Variants in NELL1 observed in about 807,000 individuals in gnomAD.
NELL1 encodes protein kinase C-binding protein NELL1.
In NELL1, 76 loss-of-function variants were observed where a neutral mutation model predicts 107.4. That is an observed-to-expected ratio of 0.71 (90% CI 0.59 to 0.86). The LOEUF is 0.86. NELL1 is among the 40% of genes least tolerant of loss of function. The probability of loss-of-function intolerance (pLI) is 0.00; values close to 1 mark genes in which losing one functional copy is unlikely to be tolerated. For synonymous variants in NELL1, 353 were observed against 341.2 expected (o/e 1.03, Z -0.38); for missense variants, 1,024 against 1,005.5 (o/e 1.02, Z -0.25).
At chr11:20,699,324 T>C (rs1168750919) in intron 2 of NELL1, among the ~76,000 whole-genome samples, 1 of 152,142 alleles carries the variant, frequency 6.6e-6, no homozygotes, top group African/African-American at 2.4e-5. Flanking sequence ...CTGAGTAGTA[T>C]TCCAAGGTAT....
At chr11:21,021,974 A>G (rs1372634155) in intron 12 of NELL1, among the ~76,000 whole-genome samples, 1 of 152,032 alleles carries the variant, frequency 6.6e-6, no homozygotes, top group African/African-American at 2.4e-5. Context: ...CTTGTCCTGT[A>G]CATTGTAGGA....
intron 15 of NELL1, among the ~76,000 whole-genome samples, chr11:21,383,219 G>A (rs1418512602): frequency 6.6e-6 from 1 of 151,938 alleles, no homozygotes; most frequent in African/African-American, 2.4e-5. Flanking sequence ...TAATCAAACA[G>A]CAAGGTCTAT....
At chr11:20,981,631 G>C (rs773642181) in intron 12 of NELL1, among the ~76,000 whole-genome samples, 2 of 152,168 alleles carry the variant, frequency 1.3e-5, no homozygotes, top group Non-Finnish European at 2.9e-5. Flanking sequence ...TCTTTGACAA[G>C]TGCAGTTAAG....
At chr11:20,836,316 G>T (rs1293403717) in intron 3 of NELL1, among the ~76,000 whole-genome samples, 4 of 150,750 alleles carry the variant, frequency 2.7e-5, no homozygotes, top group African/African-American at 9.7e-5. Context: ...TGGTGGGAAT[G>T]AATAGCAACA....
intron 14 of NELL1, among the ~76,000 whole-genome samples, chr11:21,367,010 G>C (rs957321148): frequency 6.6e-6 from 1 of 151,744 alleles, no homozygotes; most frequent in Admixed American, 6.6e-5. Flanking sequence ...TTCTCATTTT[G>C]TTCCCCTTAA....
intron 4 of NELL1, among the ~76,000 whole-genome samples, chr11:20,875,665 T>A (rs7950875): frequency 0.86 from 130,740 of 152,252 alleles, 56,161 homozygotes; most frequent in East Asian, 0.92. Context: ...GTGAGGACAG[T>A]CTTATATGAT....
chr11:21,434,418 G>A (rs1240527083), intron 15 of NELL1, among the ~76,000 whole-genome samples: 1 of 151,952 alleles, frequency 6.6e-6, no homozygotes, highest in Non-Finnish European at 1.5e-5. Context: ...TGGATATTCA[G>A]TTTTCCTAGC....
chr11:21,159,895 C>T (rs2133798200), intron 13 of NELL1, among the ~76,000 whole-genome samples: 1 of 152,248 alleles, frequency 6.6e-6, no homozygotes, highest in Non-Finnish European at 1.5e-5. Flanking sequence ...GGATTCAGAC[C>T]TTCTTCATCT....
At chr11:21,239,036 A>C (rs1858281041) in intron 14 of NELL1, among the ~76,000 whole-genome samples, 1 of 152,084 alleles carries the variant, frequency 6.6e-6, no homozygotes, top group African/African-American at 2.4e-5. Context: ...GAGATAATAC[A>C]CTTATGATAC....
chr11:21,067,768 C>T (rs965972548), intron 12 of NELL1, among the ~76,000 whole-genome samples: 4 of 151,962 alleles, frequency 2.6e-5, no homozygotes, highest in Admixed American at 2.0e-4. Flanking sequence ...CATGGTGGCT[C>T]ACGCCTGTAA....
chr11:21,102,704 C>G (rs1018093576), intron 12 of NELL1, among the ~76,000 whole-genome samples: 1 of 152,152 alleles, frequency 6.6e-6, no homozygotes, highest in Admixed American at 6.5e-5. Context: ...ATTATGGGCA[C>G]CAGATTCTCT....
chr11:20,683,475 G>A (rs557320325), intron 2 of NELL1, among the ~76,000 whole-genome samples: 68 of 151,914 alleles, frequency 4.5e-4, no homozygotes, highest in Non-Finnish European at 8.8e-4. Flanking sequence ...CCACTCTCCC[G>A]CTGGAAGTAG....
intron 15 of NELL1, among the ~76,000 whole-genome samples, chr11:21,440,304 G>T (rs1564894632): frequency 1.7e-5 from 2 of 115,938 alleles, no homozygotes; most frequent in Non-Finnish European, 3.3e-5. Context: ...ACAAAAGTAA[G>T]TTTTTTTTTT....
chr11:21,244,216 C>T lies in NELL1; in HGVS notation c.1549+14762C>T, dbSNP rs1056046438. On this transcript the variant is annotated intron_variant, in intron 14 of 19. Coordinates refer to ENST00000357134, the MANE Select transcript of NELL1 (RefSeq NM_006157.5). ...ACAACAAATCTATAGCATTTACTTT[C>T]GTTGCATTTTAAGATCAATTTCATA... is the stretch of plus-strand genomic sequence containing the variant. Among the ~76,000 whole-genome samples, 27 of 152,204 alleles carry T rather than the reference C, an allele frequency of 1.8e-4. No homozygotes were observed. In the Middle Eastern group the frequency reaches 0.01, roughly 58 times the overall value.
chr11:21,116,316 G>A (rs1286079277), intron 13 of NELL1, among the ~76,000 whole-genome samples: 2 of 151,688 alleles, frequency 1.3e-5, no homozygotes, highest in Non-Finnish European at 1.5e-5. Context: ...CTTCTGAAAG[G>A]TTAGAGTACC....
chr11:21,056,496 G>A (rs1015386833), intron 12 of NELL1, among the ~76,000 whole-genome samples: 1 of 152,066 alleles, frequency 6.6e-6, no homozygotes, highest in Non-Finnish European at 1.5e-5. Context: ...CTAAAAAAAT[G>A]AGGGAGGATT....
intron 15 of NELL1, among the ~76,000 whole-genome samples, chr11:21,413,470 C>A (rs186057570): frequency 6.6e-6 from 1 of 152,016 alleles, no homozygotes; most frequent in Non-Finnish European, 1.5e-5. Flanking sequence ...CTTTGAAAGA[C>A]GAGCTTAAAG....
intron 3 of NELL1, among the ~76,000 whole-genome samples, chr11:20,786,679 C>G (rs939745669): frequency 6.6e-6 from 1 of 151,692 alleles, no homozygotes; most frequent in Non-Finnish European, 1.5e-5. Flanking sequence ...AAGGAGAGAC[C>G]GAGGCAAGTT....
chr11:20,934,678 G>A (rs180992920), intron 9 of NELL1, among the ~76,000 whole-genome samples: 2 of 152,340 alleles, frequency 1.3e-5, no homozygotes, highest in East Asian at 3.9e-4. Context: ...TTTGACAACA[G>A]TGCACTTAGC....
Sources: allele counts gnomAD v4.1 joint callset (sites outside exome capture counted in the v4.1 genomes callset), GRCh38; gene constraint gnomAD v4.1.1; transcripts MANE v1.5; gene names NCBI Gene and HGNC (gene_info 2026-07-23, HGNC 2026-07-21).